Variants in SLC41A2 observed in about 807,000 individuals in gnomAD.
SLC41A2 encodes the protein SLC41A1-like 1.
In SLC41A2, 32 loss-of-function variants were observed where a neutral mutation model predicts 58.3. The observed-to-expected ratio is 0.55, with a 90% CI of 0.41 to 0.74. The LOEUF is 0.74. Among genes scored for constraint, SLC41A2 ranks in the 30% least tolerant of loss-of-function variants. The probability of loss-of-function intolerance (pLI) is 0.00; values close to 1 mark genes in which losing one functional copy is unlikely to be tolerated. For missense variants in SLC41A2, 514 were observed against 680.6 expected (o/e 0.76, Z 2.72); for synonymous variants, 190 against 235.0 (o/e 0.81, Z 1.75).
chr12:104,840,269 T>G (rs2042364981), intron 10 of SLC41A2, among the ~76,000 whole-genome samples: 1 of 152,222 alleles, frequency 6.6e-6, no homozygotes, highest in African/African-American at 2.4e-5. Context: ...ATGTGAAGGC[T>G]GGGAGAATCA....
intron 6 of SLC41A2, among the ~76,000 whole-genome samples, chr12:104,879,704 T>C (rs543790476): frequency 1.2e-3 from 181 of 152,316 alleles, no homozygotes; most frequent in African/African-American, 4.3e-3. Flanking sequence ...TTTAGCCTTG[T>C]AGTATAGTTT....
rs144432023 is a variant in SLC41A2, at chr12:104,881,529, T to C, written c.1027+4764A>G. Among the ~76,000 whole-genome samples, 371 of 152,318 alleles carry C rather than the reference T, an allele frequency of 2.4e-3. 1 individual carries two copies. Among genetic ancestry groups the C allele is most frequent in the African/African-American group, 8.4e-3 (350 of 41,570 alleles). ...CTGGTATGTTATGTCTTTGGTCTCA[T>C]TGGTTTCAAAGAACATCTTTATTTC... On this transcript the variant is annotated intron_variant, in intron 6 of 10. Coordinates refer to ENST00000258538, the MANE Select transcript of SLC41A2 (RefSeq NM_001352171.3).
chr12:104,806,610 T>G (rs1407756069), intron 10 of SLC41A2, among the ~76,000 whole-genome samples: 1 of 151,726 alleles, frequency 6.6e-6, no homozygotes, highest in African/African-American at 2.4e-5. Context: ...AAATGGTATT[T>G]CTAGTTCTAG....
chr12:104,837,810 G>A (rs982045516), intron 10 of SLC41A2, among the ~76,000 whole-genome samples: 4 of 152,106 alleles, frequency 2.6e-5, no homozygotes, highest in African/African-American at 4.8e-5. Context: ...CTATGTTCTA[G>A]GCACTCTAGC....
At chr12:104,905,836 C>T (rs1370666799) in intron 3 of SLC41A2, among the ~76,000 whole-genome samples, 1 of 152,264 alleles carries the variant, frequency 6.6e-6, no homozygotes, top group Non-Finnish European at 1.5e-5. Context: ...CACGCCCACC[C>T]GGAACTCCAG....
At chr12:104,905,513 C>T (rs1304779047) in intron 3 of SLC41A2, among the ~76,000 whole-genome samples, 3 of 152,268 alleles carry the variant, frequency 2.0e-5, no homozygotes, top group African/African-American at 7.2e-5. Flanking sequence ...CCTGTGCTCG[C>T]ATTCCTCAGC....
At chr12:104,906,536 G>T in intron 3 of SLC41A2, among the ~76,000 whole-genome samples, 1 of 152,114 alleles carries the variant, frequency 6.6e-6, no homozygotes, top group African/African-American at 2.4e-5. Flanking sequence ...AACCCAAGAA[G>T]TCCAAAAATT....
intron 6 of SLC41A2, among the ~76,000 whole-genome samples, chr12:104,867,969 T>C (rs1193371310): frequency 1.3e-5 from 2 of 151,932 alleles, no homozygotes; most frequent in Non-Finnish European, 2.9e-5. Context: ...ATTATAGATA[T>C]TAAAATATAG....
rs571409538 is a variant in SLC41A2 at position 104,879,331 on chromosome 12, A to G, written c.1027+6962T>C. Among the ~76,000 whole-genome samples the G allele has an allele frequency of 2.3e-3, 356 of 152,230 alleles. 4 individuals carry two copies. Among genetic ancestry groups the G allele is most frequent in the Non-Finnish European group, 1.5e-3 (100 of 68,002 alleles). ...TAGTTTAATTAGATCCCATTTGTCT[A>G]TTTTGGCTTTTGTTGCCATTGCTTT... On this transcript the variant is annotated intron_variant, in intron 6 of 10. Transcript: ENST00000258538.
intron 6 of SLC41A2, among the ~76,000 whole-genome samples, chr12:104,883,397 C>T (rs562049159): frequency 9.2e-5 from 14 of 152,246 alleles, no homozygotes; most frequent in African/African-American, 3.1e-4. Flanking sequence ...GGAGAAGAGG[C>T]GTTCGGTTTT....
intron 3 of SLC41A2, among the ~76,000 whole-genome samples, chr12:104,901,465 TCAAGTAAGA>T (rs2045556443): frequency 6.6e-6 from 1 of 152,152 alleles, no homozygotes; most frequent in South Asian, 2.1e-4. Context: ...AAGTTTTGAC[TCAAGTAAGA>T]TGGCAAGATA....
intron 10 of SLC41A2, among the ~76,000 whole-genome samples, chr12:104,840,962 G>GA (rs922683605): frequency 6.0e-5 from 9 of 150,282 alleles, no homozygotes; most frequent in Non-Finnish European, 1.0e-4. Context: ...GATATACTCT[G>GA]AAAAAAAAAT....
intron 1 of SLC41A2, among the ~76,000 whole-genome samples, chr12:104,953,931 A>G (rs901878663): frequency 1.3e-5 from 2 of 152,190 alleles, no homozygotes; most frequent in African/African-American, 2.4e-5. Context: ...GAGGGATCAA[A>G]TGAAGGAAAA....
chr12:104,952,389 A>G (rs1008105231), intron 1 of SLC41A2, among the ~76,000 whole-genome samples: 4 of 152,322 alleles, frequency 2.6e-5, no homozygotes, highest in African/African-American at 9.6e-5. Flanking sequence ...GGAAATTCCA[A>G]TAACAAAAAT....
At chr12:104,865,182 G>A (rs1285430084) in intron 7 of SLC41A2, among the ~76,000 whole-genome samples, 1 of 152,104 alleles carries the variant, frequency 6.6e-6, no homozygotes, top group African/African-American at 2.4e-5. Context: ...TTTTGCCTGG[G>A]GGTAAAAGGC....
intron 1 of SLC41A2, among the ~76,000 whole-genome samples, chr12:104,940,863 G>C (rs942018334): frequency 1.3e-5 from 2 of 148,584 alleles, no homozygotes; most frequent in Non-Finnish European, 3.0e-5. Context: ...AGGTTGCAGT[G>C]AGCCGAGATC....
At chr12:104,859,718 T>TA (rs1455205625) in intron 8 of SLC41A2, among the ~76,000 whole-genome samples, 2 of 152,144 alleles carry the variant, frequency 1.3e-5, no homozygotes, top group Non-Finnish European at 2.9e-5. Flanking sequence ...GTCATATATA[T>TA]TTTTTACATA....
intron 8 of SLC41A2, among the ~76,000 whole-genome samples, chr12:104,846,720 A>T (rs534209713): frequency 1.3e-5 from 2 of 152,336 alleles, no homozygotes; most frequent in African/African-American, 4.8e-5. Context: ...GGCTGCAGGC[A>T]TACAGCCCTC....
rs60099674 is a variant in SLC41A2 at position 104,933,322 on chromosome 12, C to T, written c.-167-4628G>A. On this transcript the variant is annotated intron_variant, in intron 1 of 10. Coordinates refer to ENST00000258538, the MANE Select transcript of SLC41A2 (RefSeq NM_001352171.3). ...ATCAGGGAAATGCAAATTAAAACCA[C>T]AATGAAATACCACCTAACCCCAGCC... is the stretch of plus-strand genomic sequence containing the variant. Among the ~76,000 whole-genome samples, 898 of 152,284 alleles carry T rather than the reference C, an allele frequency of 5.9e-3. 17 individuals carry two copies. Among genetic ancestry groups the T allele is most frequent in the African/African-American group, 0.02 (845 of 41,562 alleles).
Sources: gnomAD v4.1 joint callset for allele counts (sites outside exome capture counted in the v4.1 genomes callset) on GRCh38, gnomAD v4.1.1 for gene constraint, MANE v1.5 for transcripts, NCBI Gene and HGNC (gene_info 2026-07-23, HGNC 2026-07-21) for gene names.